The following EML4 variants were observed in gnomAD, a reference collection of about 807,000 sequenced individuals.
EML4 encodes EMAP like 4.
A neutral mutation model predicts 129.0 loss-of-function variants in EML4; 72 were observed. The observed-to-expected ratio is 0.56, with a 90% CI of 0.46 to 0.68. The LOEUF (loss-of-function observed/expected upper bound fraction) is 0.68. EML4 is among the 30% of genes least tolerant of loss of function. The pLI is 0.00. For synonymous variants in EML4, 532 were observed against 405.0 expected, an observed-to-expected ratio of 1.31 and a Z score of -3.77; for missense variants, 1,363 against 1,190.6, an observed-to-expected ratio of 1.14 and a Z score of -2.13.
intron 11 of EML4, among the ~76,000 whole-genome samples, chr2:42,290,082 G>A (rs1337788324): frequency 2.6e-5 from 4 of 151,766 alleles, no homozygotes; most frequent in South Asian, 4.2e-4. Context: ...GCAAGACTTC[G>A]TCTCAAAAAA....
chr2:42,300,848 G>A (rs930579840), intron 13 of EML4, among the ~76,000 whole-genome samples: 2 of 152,102 alleles, frequency 1.3e-5, no homozygotes, highest in African/African-American at 2.4e-5. Flanking sequence ...AGCTGCTCCT[G>A]TACCTCTTGT....
At chr2:42,256,083 G>T (rs541089997) in intron 2 of EML4, among the ~76,000 whole-genome samples, 65 of 152,128 alleles carry the variant, frequency 4.3e-4, no homozygotes, top group Admixed American at 1.6e-3. Flanking sequence ...TATTTGTATG[G>T]AGTAACAGTC....
intron 1 of EML4, among the ~76,000 whole-genome samples, chr2:42,208,517 C>G (rs1362089298): frequency 6.6e-6 from 1 of 151,230 alleles, no homozygotes; most frequent in Non-Finnish European, 1.5e-5. Flanking sequence ...TGATTGCAAC[C>G]TCCGCCCTCT....
At chr2:42,264,189 C>A (rs1156268731) in intron 5 of EML4, among the ~76,000 whole-genome samples, 1 of 134,192 alleles carries the variant, frequency 7.5e-6, no homozygotes, top group African/African-American at 2.7e-5. Context: ...TCATGTCTTA[C>A]TGCAGCCTTC....
chr2:42,204,988 A>G (rs1672458638), intron 1 of EML4, among the ~76,000 whole-genome samples: 1 of 152,198 alleles, frequency 6.6e-6, no homozygotes, highest in African/African-American at 2.4e-5. Context: ...AATCATAAAT[A>G]TTCATCTCTT....
At chr2:42,298,845 T>TC (rs1360084004) in intron 13 of EML4, among the ~76,000 whole-genome samples, 1 of 152,176 alleles carries the variant, frequency 6.6e-6, no homozygotes, top group African/African-American at 2.4e-5. Flanking sequence ...TCCCACACCT[T>TC]TGCTTTTTGT....
chr2:42,325,608 A>T lies in EML4; in HGVS notation c.2242+54A>T, dbSNP rs1487420298. On this transcript the variant is annotated intron_variant, in intron 20 of 22. Coordinates refer to ENST00000318522, the MANE Select transcript of EML4 (RefSeq NM_019063.5). ...ATATATGCTATGATTATATTTATATATATATATATATATATATATATATAT... is the reference window on the plus strand; with the variant it reads ...ATATATGCTATGATTATATTTATATTTATATATATATATATATATATATAT... 2.0e-4 allele frequency: 8 copies of T among 40,938 alleles called. 1 individual carries two copies. In the South Asian group the frequency reaches 6.6e-3, roughly 34 times the overall value. The allele number at this position is 40,938 out of a possible 1,614,324, so 2.5% of individuals were successfully genotyped here. A position where few individuals can be genotyped will look rare whatever the true frequency, so the allele number is the denominator to read the frequency against.
intron 6 of EML4, among the ~76,000 whole-genome samples, chr2:42,271,780 CTGAG>C (rs1430658281): frequency 6.6e-6 from 1 of 152,088 alleles, no homozygotes; most frequent in Non-Finnish European, 1.5e-5. Context: ...TGCCAGTTAA[CTGAG>C]TGAAATATTT....
chr2:42,170,325 C>G (rs1000928864), intron 1 of EML4: 3 of 152,224 alleles, frequency 2.0e-5, no homozygotes, highest in African/African-American at 7.2e-5. Flanking sequence ...TTGGGGGACC[C>G]TCTTTAAGAG....
At chr2:42,247,446 G>A (rs145721998) in intron 2 of EML4, among the ~76,000 whole-genome samples, 174 of 152,118 alleles carry the variant, frequency 1.1e-3, no homozygotes, top group Admixed American at 3.1e-3. Context: ...CATTCTGCCC[G>A]GTTTTGTGAT....
At chr2:42,293,108 CT>C (rs919853054) in intron 11 of EML4, among the ~76,000 whole-genome samples, 36 of 147,094 alleles carry the variant, frequency 2.4e-4, no homozygotes, top group South Asian at 6.4e-4. Flanking sequence ...TTATCTTCAA[CT>C]TTTTTTTTTT....
At chr2:42,221,996 G>A (rs926602381) in intron 1 of EML4, among the ~76,000 whole-genome samples, 3 of 152,014 alleles carry the variant, frequency 2.0e-5, no homozygotes, top group Admixed American at 6.5e-5. Flanking sequence ...TGGTCCCAAC[G>A]TGCTGGGATT....
chr2:42,261,496 G>GT, intron 4 of EML4: 98 of 229,092 alleles, frequency 4.3e-4, no homozygotes, highest in Non-Finnish European at 4.5e-4. Context: ...AGTTAAAACT[G>GT]GAAAAAAAAA....
intron 2 of EML4, among the ~76,000 whole-genome samples, chr2:42,255,758 G>A (rs888501238): frequency 1.3e-5 from 2 of 152,182 alleles, no homozygotes; most frequent in Non-Finnish European, 2.9e-5. Context: ...AAGGAAGCAC[G>A]TTAGGTGATT....
In EML4 at chr2:42,213,958, A is replaced by G. The variant is rs370621262; in HGVS notation, c.26-31547A>G. ...TTTAAAATTAATTCCATCAACAGTT[A>G]CTGAGTACCTATTATGTGTGTAGTC... On this transcript the variant is annotated intron_variant, in intron 1 of 22. Transcript: ENST00000318522. 2.6e-5 allele frequency among the ~76,000 whole-genome samples: 4 copies of G among 152,312 alleles called. No homozygotes were observed. The East Asian group carries it at 7.7e-4, about 29-fold the overall frequency.
intron 18 of EML4, 102 bp from the exon 19 acceptor site, chr2:42,317,325 T>A (rs1669294360): frequency 1.3e-6 from 1 of 759,810 alleles, no homozygotes; most frequent in Non-Finnish European, 2.1e-6. Context: ...TGCCAAATAG[T>A]TAAATTGATG....
chr2:42,185,776 G>A lies in EML4; in HGVS notation c.25+16140G>A, dbSNP rs555319405. On this transcript the variant is annotated intron_variant, in intron 1 of 22. Coordinates refer to ENST00000318522, the MANE Select transcript of EML4 (RefSeq NM_019063.5). Reference sequence around the variant, plus strand: ...GGATTTTAGAAAGTTTAGTTTGCTCGTACTGGGGAGAATGAATTGGAGCAG... The same window carrying A: ...GGATTTTAGAAAGTTTAGTTTGCTCATACTGGGGAGAATGAATTGGAGCAG... 2.1e-3 allele frequency among the ~76,000 whole-genome samples: 322 copies of A among 152,222 alleles called. 4 individuals are homozygous for A. The highest frequency in any genetic ancestry group is 1.2e-3 in the Non-Finnish European group (79 of 67,998).
chr2:42,244,772 C>G (rs1053970271), intron 1 of EML4, among the ~76,000 whole-genome samples: 12 of 152,024 alleles, frequency 7.9e-5, no homozygotes, highest in Non-Finnish European at 1.5e-4. Flanking sequence ...TAAAACCAAA[C>G]AAGTGATTTA....
chr2:42,220,953 G>A (rs1312395870), intron 1 of EML4, among the ~76,000 whole-genome samples: 1 of 152,184 alleles, frequency 6.6e-6, no homozygotes, highest in African/African-American at 2.4e-5. Flanking sequence ...AAAGCTGAGA[G>A]ACGTGAGGAA....
Sources: allele counts gnomAD v4.1 joint callset (sites outside exome capture counted in the v4.1 genomes callset), GRCh38; gene constraint gnomAD v4.1.1; transcripts MANE v1.5; gene names NCBI Gene and HGNC (gene_info 2026-07-23, HGNC 2026-07-21).